Variants in DPH6 observed in about 807,000 individuals in gnomAD.
DPH6 encodes diphthamine biosynthesis 6, also known as diphthine--ammonia ligase.
Under a neutral mutation model 38.2 loss-of-function variants are expected in DPH6, and 33 were observed. The observed-to-expected ratio is 0.86, with a 90% CI of 0.65 to 1.15. The LOEUF is 1.15. Among genes scored for constraint, DPH6 ranks in the 50% most tolerant of loss-of-function variants. The pLI, the probability that DPH6 is intolerant of heterozygous loss-of-function variation, is 0.00. For missense variants in DPH6, 325 were observed against 320.0 expected (o/e 1.02, Z -0.12); for synonymous variants, 108 against 103.0 (o/e 1.05, Z -0.30).
intron 3 of DPH6, among the ~76,000 whole-genome samples, chr15:35,507,896 TATATAC>T (rs775191957): frequency 9.9e-5 from 15 of 152,188 alleles, no homozygotes; most frequent in Non-Finnish European, 1.6e-4. Flanking sequence ...TATACACCTA[TATATAC>T]ATATACATGT....
chr15:35,500,310 T>C (rs553407506), intron 3 of DPH6, among the ~76,000 whole-genome samples: 1 of 152,264 alleles, frequency 6.6e-6, no homozygotes, highest in East Asian at 1.9e-4. Flanking sequence ...ATACAGTCAA[T>C]GAATGGGTTG....
intron 3 of DPH6, among the ~76,000 whole-genome samples, chr15:35,243,739 T>C (rs964340664): frequency 1.3e-5 from 2 of 151,730 alleles, no homozygotes; most frequent in African/African-American, 4.8e-5. Flanking sequence ...TTGCTGACTC[T>C]CTTTTCGGAC....
the DPH6 span, among the ~76,000 whole-genome samples, chr15:35,159,234 T>A: frequency 6.6e-6 from 1 of 152,102 alleles, no homozygotes. Context: ...TACTCTGCGT[T>A]TTCTTTCTTT....
the DPH6 span, among the ~76,000 whole-genome samples, chr15:35,180,364 C>T: frequency 5.3e-5 from 8 of 150,266 alleles, no homozygotes; most frequent in Non-Finnish European, 1.0e-4. Context: ...GTTTTGGTTG[C>T]TCCTTGAAAT....
chr15:35,527,757 C>T (rs967211935), intron 3 of DPH6, among the ~76,000 whole-genome samples: 1 of 152,194 alleles, frequency 6.6e-6, no homozygotes, highest in African/African-American at 2.4e-5. Context: ...TTAGATGGCA[C>T]GTAGCTTACA....
intron 3 of DPH6, among the ~76,000 whole-genome samples, chr15:35,336,811 G>A (rs2052376797): frequency 6.6e-6 from 1 of 152,100 alleles, no homozygotes; most frequent in African/African-American, 2.4e-5. Context: ...TGATCATGGT[G>A]GATAAGCTTT....
intron 3 of DPH6, among the ~76,000 whole-genome samples, chr15:35,532,538 T>G (rs2055103867): frequency 6.6e-6 from 1 of 152,058 alleles, no homozygotes; most frequent in Non-Finnish European, 1.5e-5. Flanking sequence ...AGGGCCTAGG[T>G]TTTGACTTAG....
Position 35,538,298 on chromosome 15 carries a change from G to C in DPH6, c.288C>G (p.Leu96=), listed in dbSNP as rs2055201751. ...CCTTAACAAGTTTCAAAAGCTCATA[G>C]AGATCTTCAACCTCATCACCTTCAC... ...TKCEGDEVED[L]YELLKLVKEK... is the part of the protein sequence containing the mutation. Residue 96 remains leucine, a synonymous_variant, in exon 3 of 9, where the codon CTC becomes CTG. Transcript: ENST00000256538. The C allele has an allele frequency of 6.3e-7, 1 of 1,576,714 alleles. No individual in the cohort carries two copies. The highest frequency in any genetic ancestry group is 1.7e-5 in the Admixed American group (1 of 59,554).
At chr15:35,401,079 G>A (rs754890442) in intron 6 of DPH6, 171 of 907,558 alleles carry the variant, frequency 1.9e-4, no homozygotes, top group Non-Finnish European at 2.4e-4. Context: ...CAGAAAAATT[G>A]AAGAAAAGGG....
At chr15:35,284,795 C>T (rs1377926754) in intron 3 of DPH6, among the ~76,000 whole-genome samples, 6 of 134,754 alleles carry the variant, frequency 4.5e-5, no homozygotes. Flanking sequence ...TGGGTGAAGT[C>T]TCCAAATTTT....
At chr15:35,391,190 C>T (rs181772455) in intron 6 of DPH6, among the ~76,000 whole-genome samples, 28 of 152,138 alleles carry the variant, frequency 1.8e-4, no homozygotes, top group African/African-American at 2.4e-4. Context: ...GCTGCCTGAT[C>T]GGTCCTCTGG....
Position 35,372,091 on chromosome 15 carries a change from A to G in DPH6, c.*59T>C. ...AACTAGTCATAGTAACTGAGAAAATACTATGCAATTTTTTTGTATAGAAAT... is the reference window on the plus strand; with the variant it reads ...AACTAGTCATAGTAACTGAGAAAATGCTATGCAATTTTTTTGTATAGAAAT... On this transcript the variant is annotated 3_prime_UTR_variant, in exon 9 of 9. Transcript: ENST00000256538. 2 of 1,484,850 alleles carry G rather than the reference A, an allele frequency of 1.3e-6. No homozygotes were observed. The highest frequency in any genetic ancestry group is 1.8e-6 in the Non-Finnish European group (2 of 1,122,674). The allele number at this position is 1,484,850 out of a possible 1,614,324, so 92.0% of individuals were successfully genotyped here. A position where few individuals can be genotyped will look rare whatever the true frequency, so the allele number is the denominator to read the frequency against.
At chr15:35,490,300 G>A (rs573369374) in intron 3 of DPH6, 2 of 459,568 alleles carry the variant, frequency 4.4e-6, no homozygotes, top group Non-Finnish European at 5.7e-6. Flanking sequence ...CCAAATGAAT[G>A]TGAGTAACTA....
the DPH6 span, among the ~76,000 whole-genome samples, chr15:35,180,048 T>A: frequency 4.6e-5 from 7 of 152,182 alleles, no homozygotes; most frequent in African/African-American, 1.7e-4. Flanking sequence ...TGGGACCCAA[T>A]CCCATCTAAT....
chr15:35,284,794 T>A (rs2051928824), intron 3 of DPH6, among the ~76,000 whole-genome samples: 1 of 136,824 alleles, frequency 7.3e-6, no homozygotes, highest in Admixed American at 8.3e-5. Flanking sequence ...ATGGGTGAAG[T>A]CTCCAAATTT....
chr15:35,262,473 G>A lies in DPH6; in HGVS notation n.201-41891C>T, dbSNP rs568354778. Among the ~76,000 whole-genome samples the A allele has an allele frequency of 6.2e-4, 95 of 152,150 alleles. 1 individual carries two copies. In the South Asian group the frequency reaches 0.016, roughly 26 times the overall value. On this transcript the variant is annotated intron_variant and non_coding_transcript_variant, in intron 3 of 3. Transcript: ENST00000560386. ...TGTAATCCCAGCACTTTGGGAGGCCGAGGCAGGGGGATCACCAGGTCAGGA... is the reference window on the plus strand; with the variant it reads ...TGTAATCCCAGCACTTTGGGAGGCCAAGGCAGGGGGATCACCAGGTCAGGA...
intron 3 of DPH6, among the ~76,000 whole-genome samples, chr15:35,354,241 C>T (rs1566878379): frequency 6.6e-6 from 1 of 152,182 alleles, no homozygotes; most frequent in Non-Finnish European, 1.5e-5. Flanking sequence ...GACAATTTGA[C>T]TTCCTCTTTT....
At chr15:35,474,721 C>T (rs1395359530) in intron 3 of DPH6, among the ~76,000 whole-genome samples, 1 of 152,010 alleles carries the variant, frequency 6.6e-6, no homozygotes, top group Non-Finnish European at 1.5e-5. Context: ...AATAAGTCAG[C>T]ATTACTTAGT....
the DPH6 span, among the ~76,000 whole-genome samples, chr15:35,182,424 A>G: frequency 6.6e-6 from 1 of 151,934 alleles, no homozygotes; most frequent in African/African-American, 2.4e-5. Flanking sequence ...CTTAATTATT[A>G]TTGACAAGGG....
Sources: allele counts gnomAD v4.1 joint callset (sites outside exome capture counted in the v4.1 genomes callset), GRCh38; gene constraint gnomAD v4.1.1; transcripts MANE v1.5; gene names NCBI Gene and HGNC (gene_info 2026-07-23, HGNC 2026-07-21).